INPP5D: variants seen among roughly 807,000 people sequenced by gnomAD.
INPP5D encodes phosphatidylinositol 3,4,5-trisphosphate 5-phosphatase 1.
INPP5D carries 33 observed loss-of-function variants against 122.9 expected under a neutral mutation model. The ratio of observed to expected loss-of-function variants is 0.27; its 90% CI spans 0.20 to 0.36. The LOEUF is 0.36. Ranked by LOEUF, INPP5D falls within the 10% of genes least tolerant of loss-of-function variation. The probability of loss-of-function intolerance (pLI) is 1.00; values close to 1 mark genes in which losing one functional copy is unlikely to be tolerated. For missense variants in INPP5D, 1,053 were observed against 1,412.7 expected (o/e 0.75, Z 4.08); for synonymous variants, 584 against 576.2 (o/e 1.01, Z -0.19).
At chr2:233,062,254 C>G (rs939013119) in intron 1 of INPP5D, among the ~76,000 whole-genome samples, 1 of 152,228 alleles carries the variant, frequency 6.6e-6, no homozygotes, top group Non-Finnish European at 1.5e-5. Flanking sequence ...ACCTTCAACA[C>G]AGCCCTTTGA....
chr2:233,138,997 G>T (rs988690837), intron 5 of INPP5D, among the ~76,000 whole-genome samples: 1 of 151,102 alleles, frequency 6.6e-6, no homozygotes, highest in African/African-American at 2.4e-5. Context: ...CTCGTGATCC[G>T]CCTGCCTCAG....
At chr2:233,096,967 G>A (rs1692160927) in intron 2 of INPP5D, among the ~76,000 whole-genome samples, 6 of 151,998 alleles carry the variant, frequency 3.9e-5, no homozygotes. Flanking sequence ...TATTTATTTA[G>A]GGAAAATGCT....
At chr2:233,138,296 G>C (rs1182931323) in intron 5 of INPP5D, among the ~76,000 whole-genome samples, 1 of 95,284 alleles carries the variant, frequency 1.0e-5, no homozygotes, top group East Asian at 2.8e-4. Flanking sequence ...CACAGAGTAA[G>C]ATTGTCTAAA....
chr2:233,151,659 TC>T (rs1374004237), intron 9 of INPP5D, among the ~76,000 whole-genome samples: 1 of 152,218 alleles, frequency 6.6e-6, no homozygotes, highest in African/African-American at 2.4e-5. Context: ...CCATCATAAA[TC>T]CCAGTTCTGT....
intron 1 of INPP5D, among the ~76,000 whole-genome samples, chr2:233,079,073 C>A (rs1424575190): frequency 6.6e-6 from 1 of 152,110 alleles, no homozygotes; most frequent in Non-Finnish European, 1.5e-5. Context: ...GATCCTTTAG[C>A]TGCCGGGTCC....
Position 233,164,069 on chromosome 2 carries a change from T to TG in INPP5D, c.1437+170dup. 7.2e-7 allele frequency: 1 copy of TG among 1,388,744 alleles called. No homozygotes were observed. The highest frequency in any genetic ancestry group is 9.5e-7 in the Non-Finnish European group (1 of 1,053,744). The allele number at this position is 1,388,744 out of a possible 1,614,324, so 86.0% of individuals were successfully genotyped here. A position where few individuals can be genotyped will look rare whatever the true frequency, so the allele number is the denominator to read the frequency against. On this transcript the variant is annotated intron_variant, in intron 12 of 26. Transcript: ENST00000445964. The surrounding 1 kb of genome is among the most constrained non-coding windows in gnomAD (Gnocchi z 4.3). ...TGTATTCAGAAATAAATGGGATCTG[T>TG]GGGGTATTGCTGAAAACCACTGAGT...
intron 2 of INPP5D, among the ~76,000 whole-genome samples, chr2:233,087,364 C>G (rs1252457917): frequency 6.6e-6 from 1 of 152,022 alleles, no homozygotes; most frequent in Non-Finnish European, 1.5e-5. Flanking sequence ...ACTCTGTCAC[C>G]AGGCTGGAGT....
Position 233,197,072 on chromosome 2 carries a change from C to T in INPP5D, c.2694-1023C>T, listed in dbSNP as rs1442830103. On this transcript the variant is annotated intron_variant, in intron 24 of 26. Transcript: ENST00000445964. The surrounding 1 kb of genome is among the most constrained non-coding windows in gnomAD (Gnocchi z 4.4). ...TTTTCCATTTTGACTAGCATGAGAA[C>T]GAGCATTTATTTCTGAAGCAGGCAG... 2.0e-5 allele frequency among the ~76,000 whole-genome samples: 3 copies of T among 151,816 alleles called. No homozygotes were observed. Among genetic ancestry groups the T allele is most frequent in the Non-Finnish European group, 4.4e-5 (3 of 67,942 alleles).
At chr2:233,080,894 G>A (rs1023622636) in intron 2 of INPP5D, among the ~76,000 whole-genome samples, 2 of 152,192 alleles carry the variant, frequency 1.3e-5, no homozygotes, top group African/African-American at 4.8e-5. Flanking sequence ...AGGGGCATGT[G>A]TGATGCAGCC....
At chr2:233,201,190 T>C (rs995574157) in intron 25 of INPP5D, among the ~76,000 whole-genome samples, 1 of 152,116 alleles carries the variant, frequency 6.6e-6, no homozygotes, top group Non-Finnish European at 1.5e-5. Context: ...CCTGGAAATA[T>C]GAGGACAAAA....
chr2:233,119,910 G>A (rs952169408), intron 2 of INPP5D, among the ~76,000 whole-genome samples: 18 of 152,176 alleles, frequency 1.2e-4, no homozygotes, highest in Non-Finnish European at 2.1e-4. Context: ...AAGACCTTCA[G>A]GCACCCTCCC....
chr2:233,133,024 T>TC (rs1311749247), intron 5 of INPP5D, among the ~76,000 whole-genome samples: 1 of 150,434 alleles, frequency 6.6e-6, no homozygotes. Context: ...TATCCTTGAG[T>TC]CCCCCCACTC....
chr2:233,081,662 C>T (rs148814824), intron 2 of INPP5D, among the ~76,000 whole-genome samples: 253 of 152,228 alleles, frequency 1.7e-3, no homozygotes, highest in Non-Finnish European at 2.8e-3. Flanking sequence ...AACAGAAACT[C>T]GCCTTGGCTG....
intron 2 of INPP5D, among the ~76,000 whole-genome samples, chr2:233,093,390 T>C (rs1692040537): frequency 6.6e-6 from 1 of 152,158 alleles, no homozygotes; most frequent in East Asian, 1.9e-4. Context: ...CTTCAAGACT[T>C]TATGGTAAGG....
intron 4 of INPP5D, among the ~76,000 whole-genome samples, chr2:233,129,584 A>G (rs375035058): frequency 3.9e-5 from 6 of 152,266 alleles, no homozygotes; most frequent in African/African-American, 1.2e-4. Flanking sequence ...CACTCTGTAC[A>G]CTGAAGGGGT....
In INPP5D at chr2:233,197,454, C is replaced by T. The variant is rs1007498459; in HGVS notation, c.2694-641C>T. On this transcript the variant is annotated intron_variant, in intron 24 of 26. Coordinates refer to ENST00000445964, the MANE Select transcript of INPP5D (RefSeq NM_001017915.3). The surrounding 1 kb of genome is among the most constrained non-coding windows in gnomAD (Gnocchi z 4.4). ...AGTCTGCCCTGAAAATCCCCTCCTT[C>T]CTGCCACCCAGGCTACCCCCCCACC... Among the ~76,000 whole-genome samples, 21 of 152,156 alleles carry T rather than the reference C, an allele frequency of 1.4e-4. No individual in the cohort carries two copies. Among genetic ancestry groups the T allele is most frequent in the Admixed American group, 1.3e-4 (2 of 15,278 alleles).
chr2:233,137,871 T>G (rs866596612), intron 5 of INPP5D, among the ~76,000 whole-genome samples: 2 of 38,886 alleles, frequency 5.1e-5, no homozygotes, highest in East Asian at 9.2e-4. Flanking sequence ...TATATATATA[T>G]ATATATATAT....
At chr2:233,115,379 C>CT (rs1692759111) in intron 2 of INPP5D, among the ~76,000 whole-genome samples, 2 of 152,174 alleles carry the variant, frequency 1.3e-5, no homozygotes, top group Admixed American at 6.5e-5. Flanking sequence ...AAATTACCCA[C>CT]TGGGAAACTT....
At chr2:233,185,014 CCT>C (rs1253353666) in intron 20 of INPP5D, among the ~76,000 whole-genome samples, 1 of 152,132 alleles carries the variant, frequency 6.6e-6, no homozygotes, top group Non-Finnish European at 1.5e-5. Flanking sequence ...GACAGGCTCC[CCT>C]GAGCCAGCAG....
Sources: allele counts gnomAD v4.1 joint callset (sites outside exome capture counted in the v4.1 genomes callset), GRCh38; gene constraint gnomAD v4.1.1; non-coding constraint Gnocchi (gnomAD v3.1); transcripts MANE v1.5; gene names NCBI Gene and HGNC (gene_info 2026-07-23, HGNC 2026-07-21).